Variants in ADGRL3 observed in about 807,000 individuals in gnomAD.
ADGRL3 encodes calcium-independent alpha-latrotoxin receptor 3.
In ADGRL3, 62 loss-of-function variants were observed where a neutral mutation model predicts 153.5. The observed-to-expected ratio is 0.40, with a 90% CI of 0.33 to 0.50. ADGRL3 has a LOEUF of 0.50. Among genes scored for constraint, ADGRL3 ranks in the 20% least tolerant of loss-of-function variants. ADGRL3 has a pLI of 0.47. For synonymous variants in ADGRL3, 710 were observed against 672.5 expected, an observed-to-expected ratio of 1.06 and a Z score of -0.86; for missense variants, 1,641 against 1,859.4, an observed-to-expected ratio of 0.88 and a Z score of 2.16.
chr4:61,269,254 G>C (rs1354811373), intron 1 of ADGRL3, among the ~76,000 whole-genome samples: 1 of 151,518 alleles, frequency 6.6e-6, no homozygotes, highest in Non-Finnish European at 1.5e-5. Context: ...CTTTTTAATA[G>C]CATATATGCT....
intron 5 of ADGRL3, among the ~76,000 whole-genome samples, chr4:61,588,836 C>A (rs1012816446): frequency 3.9e-5 from 6 of 151,918 alleles, no homozygotes; most frequent in African/African-American, 1.2e-4. Flanking sequence ...GGCACTATGA[C>A]TAAACTGATA....
chr4:61,987,101 T>A (rs1207571696), intron 19 of ADGRL3, among the ~76,000 whole-genome samples: 3 of 125,930 alleles, frequency 2.4e-5, no homozygotes, highest in African/African-American at 8.5e-5. Context: ...CTGTTGTATA[T>A]TGCTTTTATT....
intron 1 of ADGRL3, among the ~76,000 whole-genome samples, chr4:61,342,590 C>G (rs959579159): frequency 6.6e-6 from 1 of 152,056 alleles, no homozygotes; most frequent in African/African-American, 2.4e-5. Flanking sequence ...TCTTTTTTGA[C>G]AAGCCGTGCT....
Position 61,954,424 on chromosome 4 carries a change from C to A in ADGRL3, c.2805+6148C>A, listed in dbSNP as rs76458842. 5.1e-3 allele frequency among the ~76,000 whole-genome samples: 769 copies of A among 152,072 alleles called. 4 individuals carry two copies. Among genetic ancestry groups the A allele is most frequent in the African/African-American group, 0.018 (736 of 41,484 alleles). ...TTGTTTCTCTTAATTTAATTTTCAA[C>A]ATAGTTGCCAGAGGGATACTTTTAA... is the stretch of plus-strand genomic sequence containing the variant. On this transcript the variant is annotated intron_variant, in intron 17 of 26. Transcript: ENST00000683033.
intron 8 of ADGRL3, among the ~76,000 whole-genome samples, chr4:61,753,739 T>C (rs1288811155): frequency 6.6e-6 from 1 of 152,200 alleles, no homozygotes; most frequent in Non-Finnish European, 1.5e-5. Flanking sequence ...TCCAATTCTA[T>C]CAAAGTAAGA....
At chr4:61,937,775 A>G (rs934764110) in intron 15 of ADGRL3, among the ~76,000 whole-genome samples, 8 of 152,266 alleles carry the variant, frequency 5.3e-5, no homozygotes, top group African/African-American at 1.4e-4. Flanking sequence ...CTATACATCT[A>G]TATACTCACT....
chr4:61,371,194 T>G (rs931127221), intron 1 of ADGRL3, among the ~76,000 whole-genome samples: 2 of 151,530 alleles, frequency 1.3e-5, no homozygotes, highest in African/African-American at 4.9e-5. Flanking sequence ...AATTTGCCAG[T>G]CTGTGTCTTT....
At chr4:61,442,894 AAG>A (rs2097542602) in intron 2 of ADGRL3, among the ~76,000 whole-genome samples, 1 of 152,154 alleles carries the variant, frequency 6.6e-6, no homozygotes, top group Non-Finnish European at 1.5e-5. Flanking sequence ...GATGGCCAGA[AAG>A]AGAGAGTGAA....
intron 8 of ADGRL3, among the ~76,000 whole-genome samples, chr4:61,771,523 A>G (rs898581443): frequency 4.6e-5 from 7 of 152,208 alleles, no homozygotes; most frequent in South Asian, 2.1e-4. Context: ...TTTTCCTGAC[A>G]CAATTGAATC....
intron 2 of ADGRL3, among the ~76,000 whole-genome samples, chr4:61,428,457 G>A (rs6825677): frequency 6.6e-6 from 1 of 152,018 alleles, no homozygotes; most frequent in Admixed American, 6.5e-5. Context: ...TAAAGGGAAT[G>A]TTAAGGAAAG....
chr4:61,685,721 C>T (rs1294237392), intron 6 of ADGRL3, among the ~76,000 whole-genome samples: 1 of 152,052 alleles, frequency 6.6e-6, no homozygotes, highest in Non-Finnish European at 1.5e-5. Flanking sequence ...GCACTGTCAC[C>T]ACTACTGATA....
intron 11 of ADGRL3, among the ~76,000 whole-genome samples, chr4:61,907,667 AAAG>A (rs758108383): frequency 6.6e-5 from 10 of 151,616 alleles, no homozygotes; most frequent in Non-Finnish European, 1.3e-4. Context: ...TATATGATAA[AAAG>A]AGATATTGGG....
chr4:61,351,558 A>G (rs888636246), intron 1 of ADGRL3, among the ~76,000 whole-genome samples: 1 of 152,198 alleles, frequency 6.6e-6, no homozygotes, highest in Non-Finnish European at 1.5e-5. Flanking sequence ...CTTTCTCATT[A>G]GGGGCTAATG....
intron 1 of ADGRL3, among the ~76,000 whole-genome samples, chr4:61,331,388 G>A (rs2095569804): frequency 6.6e-6 from 1 of 151,946 alleles, no homozygotes; most frequent in Non-Finnish European, 1.5e-5. Context: ...TTTTCACTTT[G>A]ACCTATATGA....
rs183882757 is a variant in ADGRL3, at chr4:61,698,827, G to T, written c.583+21892G>T. Among the ~76,000 whole-genome samples the T allele has an allele frequency of 5.3e-5, 8 of 152,198 alleles. No homozygotes were observed. The East Asian group carries it at 1.5e-3, about 29-fold the overall frequency. On this transcript the variant is annotated intron_variant, in intron 6 of 26. Transcript: ENST00000683033. ...TTCCCGAAAATCCACTTAAAATTATGTAAATAGAAGACTATTCTTAACGCT... is the reference window on the plus strand; with the variant it reads ...TTCCCGAAAATCCACTTAAAATTATTTAAATAGAAGACTATTCTTAACGCT...
chr4:61,782,922 C>A lies in ADGRL3; in HGVS notation c.1400-30887C>A, dbSNP rs558905053. ...TGGGAAATCCATAATTGGAAAGAAT[C>A]CCATAGTCACTGCTGATATTTTTCT... is the stretch of plus-strand genomic sequence containing the variant. On this transcript the variant is annotated intron_variant, in intron 8 of 26. Transcript: ENST00000683033. Among the ~76,000 whole-genome samples, 153 of 152,196 alleles carry A rather than the reference C, an allele frequency of 1.0e-3. 3 individuals are homozygous for A. In the Middle Eastern group the frequency reaches 0.01, roughly 10 times the overall value.
chr4:61,908,882 T>C (rs1219506112), intron 11 of ADGRL3, among the ~76,000 whole-genome samples: 2 of 152,174 alleles, frequency 1.3e-5, no homozygotes, highest in African/African-American at 4.8e-5. Context: ...TTTGTTCTAG[T>C]GATGATGAGG....
chr4:61,951,850 G>A (rs1467042783), intron 17 of ADGRL3, among the ~76,000 whole-genome samples: 1 of 152,144 alleles, frequency 6.6e-6, no homozygotes. Flanking sequence ...GAGCGACCAA[G>A]CAAGACTGTG....
At chr4:61,381,391 G>A (rs983888918) in intron 1 of ADGRL3, among the ~76,000 whole-genome samples, 6 of 151,040 alleles carry the variant, frequency 4.0e-5, no homozygotes, top group Non-Finnish European at 7.4e-5. Context: ...GGCGCGGTTA[G>A]GTGTTTGGTT....
Sources: gnomAD v4.1 joint callset for allele counts (sites outside exome capture counted in the v4.1 genomes callset) on GRCh38, gnomAD v4.1.1 for gene constraint, MANE v1.5 for transcripts, NCBI Gene and HGNC (gene_info 2026-07-23, HGNC 2026-07-21) for gene names.